KCNQ5: variants seen among roughly 807,000 people sequenced by gnomAD.
The protein encoded by KCNQ5 is potassium voltage-gated channel subfamily KQT member 5.
A neutral mutation model predicts 98.2 loss-of-function variants in KCNQ5; 30 were observed. The observed-to-expected ratio is 0.31, with a 90% CI of 0.23 to 0.41. KCNQ5 has a LOEUF of 0.41. Ranked by LOEUF, KCNQ5 falls within the 10% of genes least tolerant of loss-of-function variation. KCNQ5 has a pLI of 1.00. For missense variants in KCNQ5, 835 were observed against 1,182.5 expected (o/e 0.71, Z 4.31); for synonymous variants, 458 against 449.4 (o/e 1.02, Z -0.24).
intron 11 of KCNQ5, among the ~76,000 whole-genome samples, chr6:73,184,432 A>G (rs1240951746): frequency 1.3e-5 from 2 of 152,224 alleles, no homozygotes; most frequent in Admixed American, 1.3e-4. Context: ...AAGAACTTCA[A>G]TCTATTCTAA....
rs148002491 is a variant in KCNQ5, at chr6:73,125,223, C to T, written c.1247+711C>T. On this transcript the variant is annotated intron_variant, in intron 9 of 13. Coordinates refer to ENST00000370398, the MANE Select transcript of KCNQ5 (RefSeq NM_019842.4). Reference sequence around the variant, plus strand: ...CCCCAAATAATTTATTATCAGTTTCCCATGACTTAGATGGAATGAGTCGTC... The same window carrying T: ...CCCCAAATAATTTATTATCAGTTTCTCATGACTTAGATGGAATGAGTCGTC... 3.5e-3 allele frequency among the ~76,000 whole-genome samples: 524 copies of T among 151,478 alleles called. 3 individuals are homozygous for T. The highest frequency in any genetic ancestry group is 0.014 in the Middle Eastern group (4 of 294).
chr6:73,063,671 AGATAGATAGATAGAT>A lies in KCNQ5; in HGVS notation c.617-13635_617-13621del, dbSNP rs1487154073. 5.9e-4 allele frequency among the ~76,000 whole-genome samples: 48 copies of A among 81,764 alleles called. 2 individuals carry two copies. The highest frequency in any genetic ancestry group is 1.5e-3 in the African/African-American group (39 of 25,884). 53.6% of individuals were successfully genotyped at this position (81,764 alleles called of 152,430 possible). A position where few individuals can be genotyped will look rare whatever the true frequency, so the allele number is the denominator to read the frequency against. On this transcript the variant is annotated intron_variant, in intron 3 of 13. Coordinates refer to ENST00000370398, the MANE Select transcript of KCNQ5 (RefSeq NM_019842.4). ...GATAGATGATAGATAGATAGATGAT[AGATAGATAGATAGAT>A]GATAGATAGATAGATAGATAGATAG...
At chr6:73,014,464 G>C (rs368050602) in intron 2 of KCNQ5, among the ~76,000 whole-genome samples, 3 of 152,186 alleles carry the variant, frequency 2.0e-5, no homozygotes, top group Admixed American at 6.6e-5. Flanking sequence ...GTGTTAGAAA[G>C]ACTCCAAACT....
chr6:72,764,261 C>A (rs1317537074), intron 1 of KCNQ5, among the ~76,000 whole-genome samples: 2 of 151,850 alleles, frequency 1.3e-5, no homozygotes, highest in Non-Finnish European at 2.9e-5. Context: ...TAAAAACCAA[C>A]CAACCAACAA....
At chr6:72,927,285 A>T (rs1765470757) in intron 1 of KCNQ5, among the ~76,000 whole-genome samples, 1 of 152,134 alleles carries the variant, frequency 6.6e-6, no homozygotes, top group Non-Finnish European at 1.5e-5. Context: ...TCCCACTGAG[A>T]TTCTCAAATA....
At chr6:73,157,154 A>G (rs907909103) in intron 10 of KCNQ5, among the ~76,000 whole-genome samples, 1 of 152,234 alleles carries the variant, frequency 6.6e-6, no homozygotes, top group Non-Finnish European at 1.5e-5. Context: ...GCCAGGAAAC[A>G]TGCAAAATTA....
At chr6:72,825,588 A>G in intron 1 of KCNQ5, among the ~76,000 whole-genome samples, 1 of 152,154 alleles carries the variant, frequency 6.6e-6, no homozygotes, top group Middle Eastern at 3.2e-3. Flanking sequence ...CAAGAGGAAG[A>G]GAGCATGACT....
chr6:72,691,534 T>C (rs1768213704), intron 1 of KCNQ5, among the ~76,000 whole-genome samples: 1 of 152,206 alleles, frequency 6.6e-6, no homozygotes, highest in South Asian at 2.1e-4. Flanking sequence ...CTCCTTAGTA[T>C]AATGCCTACT....
At chr6:73,087,846 G>T (rs1774054498) in intron 5 of KCNQ5, among the ~76,000 whole-genome samples, 1 of 152,008 alleles carries the variant, frequency 6.6e-6, no homozygotes, top group Non-Finnish European at 1.5e-5. Flanking sequence ...CATAGAATTT[G>T]TCTCCCTCTT....
chr6:72,808,792 CA>C (rs989064648), intron 1 of KCNQ5, among the ~76,000 whole-genome samples: 13 of 146,590 alleles, frequency 8.9e-5, no homozygotes, highest in African/African-American at 1.5e-4. Context: ...ACTAAAAATA[CA>C]AAAAAAAAAC....
chr6:72,623,634 A>C (rs748278835), intron 1 of KCNQ5, among the ~76,000 whole-genome samples: 1 of 151,882 alleles, frequency 6.6e-6, no homozygotes, highest in Non-Finnish European at 1.5e-5. Flanking sequence ...CTCGTGTCTA[A>C]TTCTTTTTTT....
intron 1 of KCNQ5, among the ~76,000 whole-genome samples, chr6:72,791,695 T>G (rs1774059538): frequency 6.6e-6 from 1 of 152,142 alleles, no homozygotes; most frequent in East Asian, 1.9e-4. Context: ...GAACAGAAAT[T>G]TATTGTTTCA....
intron 5 of KCNQ5, among the ~76,000 whole-genome samples, chr6:73,093,309 A>G (rs999300461): frequency 1.3e-5 from 2 of 151,998 alleles, no homozygotes; most frequent in African/African-American, 2.4e-5. Flanking sequence ...TTTTATGGTT[A>G]ATCTTGCTAA....
intron 2 of KCNQ5, among the ~76,000 whole-genome samples, chr6:73,018,786 A>T (rs549697162): frequency 6.6e-6 from 1 of 152,208 alleles, no homozygotes; most frequent in Non-Finnish European, 1.5e-5. Flanking sequence ...ATGAAATTGT[A>T]CATACAGTAA....
chr6:72,916,823 G>A (rs1295510958), intron 1 of KCNQ5, among the ~76,000 whole-genome samples: 1 of 152,124 alleles, frequency 6.6e-6, no homozygotes, highest in Non-Finnish European at 1.5e-5. Flanking sequence ...TGGCAATGAT[G>A]TTTCCAAATG....
At chr6:72,854,398 G>A (rs551282474) in intron 1 of KCNQ5, among the ~76,000 whole-genome samples, 161 of 151,356 alleles carry the variant, frequency 1.1e-3, no homozygotes, top group African/African-American at 3.7e-3. Context: ...ATCTGTGATC[G>A]CAAAACTGTT....
chr6:72,743,780 G>GT (rs1184672709), intron 1 of KCNQ5, among the ~76,000 whole-genome samples: 1 of 152,142 alleles, frequency 6.6e-6, no homozygotes, highest in African/African-American at 2.4e-5. Flanking sequence ...TACCTTGCCT[G>GT]TTTTTTGGAG....
At chr6:72,720,969 C>T (rs1769925137) in intron 1 of KCNQ5, among the ~76,000 whole-genome samples, 1 of 152,066 alleles carries the variant, frequency 6.6e-6, no homozygotes, top group Non-Finnish European at 1.5e-5. Context: ...GTGAGCATTC[C>T]TTGGAAGACA....
intron 1 of KCNQ5, among the ~76,000 whole-genome samples, chr6:72,838,686 C>T (rs1332431686): frequency 6.6e-6 from 1 of 151,712 alleles, no homozygotes; most frequent in East Asian, 1.9e-4. Flanking sequence ...CGCGGTGGCT[C>T]ACGCCTGTAA....
Sources: allele counts gnomAD v4.1 joint callset (sites outside exome capture counted in the v4.1 genomes callset), GRCh38; gene constraint gnomAD v4.1.1; transcripts MANE v1.5; gene names NCBI Gene and HGNC (gene_info 2026-07-23, HGNC 2026-07-21).